CNIH3: variants seen among roughly 807,000 people sequenced by gnomAD.
The protein encoded by CNIH3 is protein cornichon homolog 3.
Under a neutral mutation model 24.1 loss-of-function variants are expected in CNIH3, and 14 were observed. The observed-to-expected ratio is 0.58, with a 90% CI of 0.38 to 0.91. The LOEUF is 0.91. Among genes scored for constraint, CNIH3 ranks in the 40% least tolerant of loss-of-function variants. The probability of loss-of-function intolerance (pLI) is 0.00; values close to 1 mark genes in which losing one functional copy is unlikely to be tolerated. For synonymous variants in CNIH3, 68 were observed against 73.8 expected (o/e 0.92, Z 0.40); for missense variants, 178 against 196.8 (o/e 0.90, Z 0.57).
chr1:224,511,624 A>T (rs1195956033), upstream of CNIH3, among the ~76,000 whole-genome samples: 2 of 151,946 alleles, frequency 1.3e-5, no homozygotes, highest in Non-Finnish European at 2.9e-5. Context: ...TGGGAGGCTG[A>T]GGTGGGAAGA....
chr1:224,591,644 C>A (rs1443849589), downstream of CNIH3, among the ~76,000 whole-genome samples: 2 of 152,136 alleles, frequency 1.3e-5, no homozygotes, highest in Non-Finnish European at 2.9e-5. Flanking sequence ...TAAAACAGCC[C>A]ATTTTTATTC....
intron 1 of CNIH3, among the ~76,000 whole-genome samples, chr1:224,624,391 C>T (rs1280232356): frequency 3.3e-5 from 5 of 152,254 alleles, no homozygotes; most frequent in South Asian, 2.1e-4. Context: ...ACCTGTCCCC[C>T]GACACTGACC....
chr1:224,484,255 C>G (rs1676938824), intron 1 of CNIH3, among the ~76,000 whole-genome samples: 1 of 151,814 alleles, frequency 6.6e-6, no homozygotes, highest in South Asian at 2.1e-4. Flanking sequence ...ACGGTGAAAC[C>G]CTGTCTATAC....
chr1:224,650,346 CAG>C (rs1684805729), intron 1 of CNIH3, among the ~76,000 whole-genome samples: 1 of 152,104 alleles, frequency 6.6e-6, no homozygotes, highest in Non-Finnish European at 1.5e-5. Context: ...CTCGATCAAG[CAG>C]GGAGGCTGAG....
At chr1:224,555,785 T>A (rs1365113628) in intron 3 of CNIH3, among the ~76,000 whole-genome samples, 1 of 152,206 alleles carries the variant, frequency 6.6e-6, no homozygotes, top group Non-Finnish European at 1.5e-5. Flanking sequence ...TTTTTTTTCC[T>A]CGGTCTCAAA....
At chr1:224,489,520 T>C (rs1366960007) in intron 1 of CNIH3, among the ~76,000 whole-genome samples, 1 of 152,234 alleles carries the variant, frequency 6.6e-6, no homozygotes, top group East Asian at 1.9e-4. Flanking sequence ...CTTAGTGCTT[T>C]TCCCCTCTTT....
rs1462769195 is a variant in CNIH3 at position 224,616,703 on chromosome 1, C to T, written c.-472C>T. The T allele has an allele frequency of 7.1e-6, 7 of 992,422 alleles. No individual in the cohort carries two copies. The highest frequency in any genetic ancestry group is 3.5e-5 in the African/African-American group (2 of 57,358). 61.5% of individuals were successfully genotyped at this position (992,422 alleles called of 1,614,324 possible). On this transcript the variant is annotated 5_prime_UTR_variant, in exon 1 of 6. Coordinates refer to ENST00000272133, the MANE Select transcript of CNIH3 (RefSeq NM_152495.2). ...CTCGCTGGACACTATCCGTTTGCGCCCCGGTGGCGCGGGAGGGTCCGGAGC... is the reference window on the plus strand; with the variant it reads ...CTCGCTGGACACTATCCGTTTGCGCTCCGGTGGCGCGGGAGGGTCCGGAGC...
intron 1 of CNIH3, among the ~76,000 whole-genome samples, chr1:224,476,918 T>A (rs1274442092): frequency 2.0e-5 from 3 of 152,172 alleles, no homozygotes; most frequent in Non-Finnish European, 4.4e-5. Context: ...CAATGTTAGT[T>A]TTGAGATGCG....
At chr1:224,523,205 C>G (rs983646716) in intron 2 of CNIH3, among the ~76,000 whole-genome samples, 2 of 151,856 alleles carry the variant, frequency 1.3e-5, no homozygotes, top group African/African-American at 2.4e-5. Flanking sequence ...GGCCACTGCA[C>G]TCCAGCCTGG....
rs1198519214 is a variant in CNIH3, at chr1:224,704,084, T to G, written c.198+19241T>G. Reference sequence around the variant, plus strand: ...AACTACTGTTCAGGAGGTAGGGGCATGGACCACACCAGTGCACACTGCAGG... The same window carrying G: ...AACTACTGTTCAGGAGGTAGGGGCAGGGACCACACCAGTGCACACTGCAGG... On this transcript the variant is annotated intron_variant, in intron 3 of 5. Coordinates refer to ENST00000272133, the MANE Select transcript of CNIH3 (RefSeq NM_152495.2). This position sits in a 1 kb window ranked among gnomAD's most constrained non-coding sequence, Gnocchi z 4.2. Among the ~76,000 whole-genome samples, 1 of 152,166 alleles carries G rather than the reference T, an allele frequency of 6.6e-6. No individual in the cohort carries two copies. Among genetic ancestry groups the G allele is most frequent in the Non-Finnish European group, 1.5e-5 (1 of 68,032 alleles).
At chr1:224,679,986 T>C (rs1385510969) in intron 1 of CNIH3, among the ~76,000 whole-genome samples, 1 of 152,212 alleles carries the variant, frequency 6.6e-6, no homozygotes, top group Non-Finnish European at 1.5e-5. Context: ...TTTTTGTATT[T>C]TTAGTAGAGA....
intron 3 of CNIH3, among the ~76,000 whole-genome samples, chr1:224,547,842 G>C (rs1572453628): frequency 6.6e-6 from 1 of 151,360 alleles, no homozygotes; most frequent in African/African-American, 2.4e-5. Context: ...ATCTAAAGAA[G>C]ATATTATTCC....
At position 224,674,795 on chromosome 1, in the gene CNIH3, T is replaced by G. The variant is rs78468485; in HGVS notation, c.82-6163T>G. ...TTCTCGGTGGCTTCCTCTGGCTCTG[T>G]CTCTCCTGAAGCCTCCATCCAGGCT... On this transcript the variant is annotated intron_variant, in intron 1 of 5. Transcript: ENST00000272133. Among the ~76,000 whole-genome samples, 9 of 150,778 alleles carry G rather than the reference T, an allele frequency of 6.0e-5. 1 individual carries two copies. In the East Asian group the frequency reaches 1.2e-3, roughly 20 times the overall value.
At chr1:224,668,033 G>A (rs753222515) in intron 1 of CNIH3, among the ~76,000 whole-genome samples, 9 of 152,196 alleles carry the variant, frequency 5.9e-5, no homozygotes, top group Non-Finnish European at 1.3e-4. Context: ...TACACATTTT[G>A]TAAGAACACA....
At chr1:224,562,766 T>G (rs1572482424) in intron 3 of CNIH3, among the ~76,000 whole-genome samples, 2 of 152,198 alleles carry the variant, frequency 1.3e-5, no homozygotes, top group East Asian at 1.9e-4. Context: ...TCCCTCACCA[T>G]ATGACACACT....
At chr1:224,574,334 C>G (rs1680944194) in intron 4 of CNIH3, 1 of 300,478 alleles carries the variant, frequency 3.3e-6, no homozygotes, top group African/African-American at 2.2e-5. Flanking sequence ...TTGATTAGAC[C>G]AGGCATTCTT....
intron 1 of CNIH3, among the ~76,000 whole-genome samples, chr1:224,440,456 C>T (rs1246517941): frequency 1.3e-5 from 2 of 152,114 alleles, no homozygotes; most frequent in Non-Finnish European, 2.9e-5. Flanking sequence ...AACTCCTGGG[C>T]TCAAGCAATC....
intron 3 of CNIH3, among the ~76,000 whole-genome samples, chr1:224,720,268 T>C (rs1463981935): frequency 2.0e-5 from 3 of 151,616 alleles, no homozygotes; most frequent in Non-Finnish European, 2.9e-5. Flanking sequence ...TTTTTTTTTT[T>C]CTTGGAAAAG....
chr1:224,606,102 T>C (rs935326870), intron 3 of CNIH3, among the ~76,000 whole-genome samples: 8 of 152,074 alleles, frequency 5.3e-5, no homozygotes, highest in Admixed American at 3.9e-4. Context: ...GAGTAAACAC[T>C]GTGTGGTCTC....
Sources: gnomAD v4.1 joint callset for allele counts (sites outside exome capture counted in the v4.1 genomes callset) on GRCh38, gnomAD v4.1.1 for gene constraint, Gnocchi (gnomAD v3.1) non-coding constraint, MANE v1.5 for transcripts, NCBI Gene and HGNC (gene_info 2026-07-23, HGNC 2026-07-21) for gene names.